Variants in ZFP2 observed in about 807,000 individuals in gnomAD.
ZFP2 encodes ZFP2 zinc finger protein.
Under a neutral mutation model 36.1 loss-of-function variants are expected in ZFP2, and 33 were observed. That is an observed-to-expected ratio of 0.92 (90% CI 0.69 to 1.22). The LOEUF is 1.22. Among genes scored for constraint, ZFP2 ranks in the 50% most tolerant of loss-of-function variants. The probability of loss-of-function intolerance (pLI) is 0.00; values close to 1 mark genes in which losing one functional copy is unlikely to be tolerated. For synonymous variants in ZFP2, 170 were observed against 178.0 expected (o/e 0.96, Z 0.36); for missense variants, 522 against 551.4 (o/e 0.95, Z 0.53).
At chr5:178,903,013 C>A (rs1385138607) in intron 1 of ZFP2, among the ~76,000 whole-genome samples, 1 of 152,200 alleles carries the variant, frequency 6.6e-6, no homozygotes, top group Non-Finnish European at 1.5e-5. Flanking sequence ...TTGATAGCAG[C>A]TGATGACAGG....
intron 1 of ZFP2, among the ~76,000 whole-genome samples, chr5:178,898,673 C>T (rs1757987975): frequency 1.3e-5 from 2 of 152,150 alleles, no homozygotes; most frequent in African/African-American, 2.4e-5. Flanking sequence ...ATTGGGAGCT[C>T]GGGTGAGCTC....
At chr5:178,909,222 A>C (rs1758238296) in intron 1 of ZFP2, among the ~76,000 whole-genome samples, 1 of 152,070 alleles carries the variant, frequency 6.6e-6, no homozygotes, top group Non-Finnish European at 1.5e-5. Context: ...ATGTGTCTAC[A>C]CTTGCTGGCT....
At chr5:178,919,139 G>A (rs1758497938) in intron 4 of ZFP2, among the ~76,000 whole-genome samples, 1 of 150,584 alleles carries the variant, frequency 6.6e-6, no homozygotes, top group South Asian at 2.1e-4. Context: ...GGCTTTATTT[G>A]TATTCTTGGT....
intron 4 of ZFP2, chr5:178,922,636 C>T (rs994567440): frequency 9.5e-6 from 15 of 1,586,156 alleles, no homozygotes; most frequent in East Asian, 2.2e-5. Flanking sequence ...ACGCTTGGAG[C>T]GACCTTTGTC....
intron 1 of ZFP2, 99 bp downstream of exon 1, chr5:178,896,073 G>A (rs1175908415): frequency 6.6e-6 from 1 of 152,310 alleles, no homozygotes; most frequent in Non-Finnish European, 1.5e-5. Flanking sequence ...CCAGCTTCCT[G>A]AGGGTTGAGG....
intron 4 of ZFP2, among the ~76,000 whole-genome samples, chr5:178,920,310 A>G (rs1000382886): frequency 5.3e-5 from 8 of 151,864 alleles, no homozygotes; most frequent in African/African-American, 1.5e-4. Flanking sequence ...CAAGATTTCT[A>G]TTTTCTATAT....
At chr5:178,903,930 G>A (rs1473986300) in intron 1 of ZFP2, among the ~76,000 whole-genome samples, 1 of 152,124 alleles carries the variant, frequency 6.6e-6, no homozygotes, top group Non-Finnish European at 1.5e-5. Context: ...GGTGAAGGTT[G>A]CCGTGAGCCA....
chr5:178,918,352 T>G (rs1758483020), intron 4 of ZFP2, among the ~76,000 whole-genome samples: 1 of 152,212 alleles, frequency 6.6e-6, no homozygotes, highest in African/African-American at 2.4e-5. Context: ...ATAGTCTAGT[T>G]GGGTGTTAGG....
intron 4 of ZFP2, among the ~76,000 whole-genome samples, chr5:178,924,991 A>G (rs566534973): frequency 7.4e-5 from 11 of 147,708 alleles, no homozygotes; most frequent in Middle Eastern, 6.9e-3. Context: ...AGATATAACC[A>G]GTATTCTGAC....
chr5:178,922,360 TC>T lies in ZFP2; in HGVS notation c.-78+5651del, dbSNP rs1454011044. On this transcript the variant is annotated intron_variant, in intron 4 of 4. Transcript: ENST00000361362. ...GTTTCTCCTTTCATGTAATTTTTGT[TC>T]TATATGGAGCACCACTAATAGAGTT... 1.2e-5 allele frequency: 13 copies of T among 1,054,486 alleles called. 3 individuals are homozygous for T. Among genetic ancestry groups the T allele is most frequent in the Non-Finnish European group, 1.9e-5 (13 of 671,902 alleles). 65.3% of individuals were successfully genotyped at this position (1,054,486 alleles called of 1,614,324 possible).
chr5:178,912,680 G>A lies in ZFP2; in HGVS notation c.-353G>A. 1 of 1,063,886 alleles carries A rather than the reference G, an allele frequency of 9.4e-7. No homozygotes were observed. Among genetic ancestry groups the A allele is most frequent in the African/African-American group, 1.7e-5 (1 of 59,312 alleles). 65.9% of individuals were successfully genotyped at this position (1,063,886 alleles called of 1,614,324 possible). A position where few individuals can be genotyped will look rare whatever the true frequency, so the allele number is the denominator to read the frequency against. On this transcript the variant is annotated 5_prime_UTR_variant, in exon 2 of 5. Transcript: ENST00000361362. ...TGCTCAGAGGATGACCGTGTATGGG[G>A]AGGTGATGCTGGAGAACTACAGGAA...
intron 1 of ZFP2, among the ~76,000 whole-genome samples, chr5:178,896,461 C>G (rs1436611837): frequency 6.6e-6 from 1 of 152,220 alleles, no homozygotes; most frequent in Non-Finnish European, 1.5e-5. Flanking sequence ...GGCTGGGTCT[C>G]CCTGTGCAGC....
At chr5:178,914,727 G>C (rs1165814369) in intron 3 of ZFP2, among the ~76,000 whole-genome samples, 3 of 152,124 alleles carry the variant, frequency 2.0e-5, no homozygotes, top group African/African-American at 7.2e-5. Context: ...GATAGGTGCG[G>C]TGTGGAAAAA....
chr5:178,914,533 CTATT>C (rs1387686806), intron 3 of ZFP2, among the ~76,000 whole-genome samples: 15 of 152,048 alleles, frequency 9.9e-5, no homozygotes, highest in African/African-American at 3.4e-4. Context: ...TGTAAATAAC[CTATT>C]TATTCAACAA....
intron 4 of ZFP2, among the ~76,000 whole-genome samples, chr5:178,930,206 T>G (rs1758796971): frequency 6.6e-6 from 1 of 151,698 alleles, no homozygotes. Context: ...GAAATTTGGG[T>G]GGGGACACAC....
rs1310449272 is a variant in ZFP2 at position 178,932,769 on chromosome 5, GA to G, written c.*73del. The G allele has an allele frequency of 6.7e-7, 1 of 1,494,468 alleles. No homozygotes were observed. The highest frequency in any genetic ancestry group is 8.9e-7 in the Non-Finnish European group (1 of 1,119,792). The allele number at this position is 1,494,468 out of a possible 1,614,324, so 92.6% of individuals were successfully genotyped here. A position where few individuals can be genotyped will look rare whatever the true frequency, so the allele number is the denominator to read the frequency against. On this transcript the variant is annotated 3_prime_UTR_variant, in exon 5 of 5. Coordinates refer to ENST00000361362, the MANE Select transcript of ZFP2 (RefSeq NM_030613.4). Reference sequence around the variant, plus strand: ...ATAATCATATGAGACATACAATGTAGAAACCTAATAAATGTAATGATTGTGG... The same window carrying G: ...ATAATCATATGAGACATACAATGTAGAACCTAATAAATGTAATGATTGTGG...
At chr5:178,899,093 G>A (rs1757995129) in intron 1 of ZFP2, among the ~76,000 whole-genome samples, 1 of 152,120 alleles carries the variant, frequency 6.6e-6, no homozygotes, top group South Asian at 2.1e-4. Context: ...AGTAGGTAGT[G>A]TTTGCCCATC....
chr5:178,905,305 C>A (rs1219681676), intron 1 of ZFP2, among the ~76,000 whole-genome samples: 1 of 152,100 alleles, frequency 6.6e-6, no homozygotes. Context: ...GCATATTTCT[C>A]TTAAATGTAT....
In ZFP2 at chr5:178,905,055, G is replaced by A. The variant is rs76673502; in HGVS notation, c.-449-7529G>A. On this transcript the variant is annotated intron_variant, in intron 1 of 4. Coordinates refer to ENST00000361362, the MANE Select transcript of ZFP2 (RefSeq NM_030613.4). ...CCTCATTTTTCGTTTCAAAAGTTTCGTTACTGTTCTCGTATATTTATCCTT... is the reference window on the plus strand; with the variant it reads ...CCTCATTTTTCGTTTCAAAAGTTTCATTACTGTTCTCGTATATTTATCCTT... 5.9e-3 allele frequency among the ~76,000 whole-genome samples: 891 copies of A among 152,026 alleles called. 3 individuals are homozygous for A. The highest frequency in any genetic ancestry group is 0.01 in the South Asian group (50 of 4,812).
Sources: gnomAD v4.1 joint callset for allele counts (sites outside exome capture counted in the v4.1 genomes callset) on GRCh38, gnomAD v4.1.1 for gene constraint, MANE v1.5 for transcripts, NCBI Gene and HGNC (gene_info 2026-07-23, HGNC 2026-07-21) for gene names.